Variants in CROCC2 observed in about 807,000 individuals in gnomAD.
CROCC2 encodes the protein ciliary rootlet coiled-coil protein 2.
CROCC2 carries 163 observed loss-of-function variants against 177.6 expected under a neutral mutation model. That is an observed-to-expected ratio of 0.92 (90% CI 0.81 to 1.05). The LOEUF is 1.05. Ranked by LOEUF, CROCC2 falls within the 50% of genes least tolerant of loss-of-function variation. The pLI is 0.00. For missense variants in CROCC2, 1,929 were observed against 1,797.8 expected (o/e 1.07, Z -1.32); for synonymous variants, 904 against 787.3 (o/e 1.15, Z -2.48).
At chr2:240,963,804 T>C in intron 21 of CROCC2, 31 bp downstream of exon 21, 3 of 1,538,716 alleles carry the variant, frequency 1.9e-6, no homozygotes, top group Non-Finnish European at 2.6e-6. Context: ...CAGCTGGGGG[T>C]GCCCTGCAGC....
At chr2:240,933,910 C>T in intron 11 of CROCC2, 58 bp downstream of exon 11, 1 of 1,490,520 alleles carries the variant, frequency 6.7e-7, no homozygotes, top group Non-Finnish European at 9.0e-7. Context: ...CCCACTCTGC[C>T]ACCATCAGCC....
Position 240,933,707 on chromosome 2 carries a change from A to C in CROCC2, c.1501A>C (p.Lys501Gln), listed in dbSNP as rs1436914288. The C allele has an allele frequency of 3.9e-6, 6 of 1,550,340 alleles. No individual in the cohort carries two copies. Among genetic ancestry groups the C allele is most frequent in the Non-Finnish European group, 5.2e-6 (6 of 1,146,830 alleles). ...AALEMVVEEL[K>Q]GKADAADAEK... ...TCTGGAGATGGTGGTGGAGGAGCTG[A>C]AAGGGAAGGCAGATGCTGCAGATGC... is the stretch of plus-strand genomic sequence containing the variant. Residue 501 changes from lysine to glutamine, a missense_variant, in exon 11 of 32, where the codon AAA becomes CAA. Lys to Gln is a moderately conservative substitution (Grantham distance 53). Transcript: ENST00000690015.
At chr2:240,934,172 G>A (rs2059452270) in intron 11 of CROCC2, among the ~76,000 whole-genome samples, 159 bp from the exon 12 acceptor site, 2 of 151,750 alleles carry the variant, frequency 1.3e-5, no homozygotes, top group Admixed American at 6.6e-5. Context: ...AAGCCTGGAA[G>A]CGAAGGGCTC....
intron 22 of CROCC2, 70 bp downstream of exon 22, chr2:240,964,695 G>T (rs1264510029): frequency 4.0e-6 from 6 of 1,493,232 alleles, no homozygotes; most frequent in Non-Finnish European, 5.4e-6. Flanking sequence ...GCTCCTCCCA[G>T]GGGAGCCCCC....
intron 1 of CROCC2, among the ~76,000 whole-genome samples, chr2:240,912,812 G>A (rs1354657486): frequency 1.3e-5 from 2 of 152,162 alleles, no homozygotes; most frequent in African/African-American, 2.4e-5. Context: ...CCTACTTTGC[G>A]GCTATCCAGG....
chr2:240,930,981 A>T lies in CROCC2; in HGVS notation c.800A>T (p.His267Leu). 6 of 715,738 alleles carry T rather than the reference A, an allele frequency of 8.4e-6. No homozygotes were observed. Among genetic ancestry groups the T allele is most frequent in the Non-Finnish European group, 1.6e-5 (6 of 384,760 alleles). The allele number at this position is 715,738 out of a possible 1,614,324, so 44.3% of individuals were successfully genotyped here. The change falls in exon 7 of 32, where the codon CAC becomes CTC. Residue 267 changes from histidine (H) to leucine (L), a missense_variant. By Grantham distance (99) the His-to-Leu change is moderately conservative. Around this residue, in one of 3 missense-constraint regions of CROCC2, gnomAD observed 1,397 missense variants for 1,239.9 expected, o/e 1.13. Transcript: ENST00000690015. ...ACGGCCAGGACAGCCCGCCGCCTGC[A>T]CACCGCCTGCCTGAACCTCGACTCC... is the stretch of plus-strand genomic sequence containing the variant. ...ADTARTARRL[H>L]TACLNLDSNL...
intron 1 of CROCC2, among the ~76,000 whole-genome samples, chr2:240,916,862 C>T (rs181408461): frequency 2.8e-4 from 43 of 152,234 alleles, no homozygotes; most frequent in African/African-American, 9.9e-4. Context: ...TGCCTCTTGC[C>T]ACCCTGCTGG....
At chr2:240,935,111 G>A in intron 13 of CROCC2, 49 bp downstream of exon 13, 3 of 1,328,162 alleles carry the variant, frequency 2.3e-6, no homozygotes, top group Non-Finnish European at 2.9e-6. Flanking sequence ...TGTTTCCCAG[G>A]TGGCTGTGGG....
At chr2:240,959,117 A>G (rs2059613599) in intron 19 of CROCC2, 184 bp from the exon 20 acceptor site, 3 of 639,268 alleles carry the variant, frequency 4.7e-6, no homozygotes, top group Non-Finnish European at 7.8e-6. Flanking sequence ...TCCTCATCCC[A>G]GCAGCCTGTT....
intron 14 of CROCC2, among the ~76,000 whole-genome samples, chr2:240,942,180 C>T (rs1052716492): frequency 6.6e-6 from 1 of 152,222 alleles, no homozygotes; most frequent in Non-Finnish European, 1.5e-5. Context: ...TAAGACATCT[C>T]TTCCATACTT....
intron 1 of CROCC2, among the ~76,000 whole-genome samples, chr2:240,915,398 G>A (rs1574743474): frequency 6.6e-6 from 1 of 152,340 alleles, no homozygotes; most frequent in Non-Finnish European, 1.5e-5. Flanking sequence ...GCCAGTTGGG[G>A]GCAGGCAGCT....
intron 28 of CROCC2, chr2:240,985,786 C>T (rs2059837227): frequency 2.9e-6 from 1 of 348,434 alleles, no homozygotes; most frequent in East Asian, 8.9e-5. Context: ...CAGCACACAC[C>T]CAGGCACCCA....
chr2:240,983,333 T>C lies in CROCC2; in HGVS notation c.4551+304T>C. On this transcript the variant is annotated intron_variant, in intron 28 of 31. Coordinates refer to ENST00000690015, the MANE Select transcript of CROCC2 (RefSeq NM_001351305.2). ...GACACGCCGTTTAGGAGAAAATAAGTTGAGGCCAGAGCCAGCCTTAGATGG... is the reference window on the plus strand; with the variant it reads ...GACACGCCGTTTAGGAGAAAATAAGCTGAGGCCAGAGCCAGCCTTAGATGG... 3 of 1,267,966 alleles carry C rather than the reference T, an allele frequency of 2.4e-6. 1 individual carries two copies. The South Asian group carries it at 4.0e-5, about 17-fold the overall frequency. The allele number at this position is 1,267,966 out of a possible 1,614,324, so 78.5% of individuals were successfully genotyped here.
In CROCC2 at chr2:240,930,179, G is replaced by A. The variant is rs1256863231; in HGVS notation, c.659G>A (p.Gly220Asp). ...RWAQRQTRSG[G>D]LGQPRDLLLL... Reference sequence around the variant, plus strand: ...TCTTGCTTTCAGACCCGGTCAGGGGGCCTGGGGCAGCCCCGGGACCTCCTC... The same window carrying A: ...TCTTGCTTTCAGACCCGGTCAGGGGACCTGGGGCAGCCCCGGGACCTCCTC... The change falls in exon 6 of 32, where the codon GGC (glycine) becomes GAC (aspartate). Residue 220 changes from glycine to aspartate, a missense_variant. Physicochemically the swap from Gly to Asp is moderately conservative, Grantham distance 94 (BLOSUM62 -1). This residue lies in a region of CROCC2 where 1,397 missense variants were observed against 1,239.9 expected (regional missense o/e 1.13). Transcript: ENST00000690015. 3.5e-6 allele frequency: 2 copies of A among 564,446 alleles called. No individual in the cohort carries two copies. The highest frequency in any genetic ancestry group is 2.5e-5 in the South Asian group (1 of 40,108). The allele number at this position is 564,446 out of a possible 1,614,324, so 35.0% of individuals were successfully genotyped here.
In CROCC2 at chr2:240,963,585, G is replaced by C. The variant is rs2059657079; in HGVS notation, c.3117G>C (p.Val1039=). The C allele has an allele frequency of 6.5e-7, 1 of 1,545,736 alleles. No homozygotes were observed. The highest frequency in any genetic ancestry group is 8.7e-7 in the Non-Finnish European group (1 of 1,144,874). Residue 1039 remains valine, a synonymous_variant, in exon 21 of 32, where the codon GTG becomes GTC. Coordinates refer to ENST00000690015, the MANE Select transcript of CROCC2 (RefSeq NM_001351305.2). ...EAERLRAQLT[V]AQEGLAALRQ... ...AGAGGCTGCGGGCACAGCTGACCGT[G>C]GCCCAGGAGGGACTGGCCGCACTGC...
intron 19 of CROCC2, among the ~76,000 whole-genome samples, chr2:240,956,920 G>A (rs114800558): frequency 6.6e-6 from 1 of 152,084 alleles, no homozygotes. Flanking sequence ...GGCTCACAGT[G>A]GGGGGTGGCC....
chr2:240,959,202 C>A, intron 19 of CROCC2, 99 bp from the exon 20 acceptor site: 2 of 1,355,832 alleles, frequency 1.5e-6, no homozygotes, highest in Non-Finnish European at 2.0e-6. Flanking sequence ...CCCTCCCAGG[C>A]CACTGCAACA....
chr2:240,986,500 T>C (rs1387613587), intron 28 of CROCC2, among the ~76,000 whole-genome samples: 2 of 152,062 alleles, frequency 1.3e-5, no homozygotes, highest in Admixed American at 6.5e-5. Flanking sequence ...CACCCAGCTG[T>C]AGGGACAGGC....
intron 28 of CROCC2, 105 bp from the exon 29 acceptor site, chr2:240,988,634 A>C: frequency 8.4e-7 from 1 of 1,190,044 alleles, no homozygotes; most frequent in Non-Finnish European, 1.1e-6. Context: ...TCTTAGGGGA[A>C]TTCAGAGTCC....
Sources: allele counts gnomAD v4.1 joint callset (sites outside exome capture counted in the v4.1 genomes callset), GRCh38; gene constraint gnomAD v4.1.1; regional missense constraint gnomAD v4.1.1; transcripts MANE v1.5; gene names NCBI Gene and HGNC (gene_info 2026-07-23, HGNC 2026-07-21).